The following B3GALT1 variants were observed in gnomAD, a reference collection of about 807,000 sequenced individuals.
The protein encoded by B3GALT1 is UDP-Gal:betaGlcNAc beta 1,3-galactosyltransferase, polypeptide 1.
A neutral mutation model predicts 23.2 loss-of-function variants in B3GALT1; 10 were observed. The ratio of observed to expected loss-of-function variants is 0.43; its 90% CI spans 0.27 to 0.73. B3GALT1 has a LOEUF of 0.73. Among genes scored for constraint, B3GALT1 ranks in the 30% least tolerant of loss-of-function variants. B3GALT1 has a pLI of 0.21. For synonymous variants in B3GALT1, 156 were observed against 141.5 expected (o/e 1.10, Z -0.73); for missense variants, 299 against 405.4 (o/e 0.74, Z 2.25).
intron 2 of B3GALT1, among the ~76,000 whole-genome samples, chr2:167,607,780 C>T (rs930212119): frequency 2.0e-5 from 3 of 152,136 alleles, no homozygotes; most frequent in African/African-American, 7.2e-5. Flanking sequence ...ATCAGACTTG[C>T]TGCAAATTCC....
chr2:167,576,537 T>G (rs1684392004), intron 2 of B3GALT1, among the ~76,000 whole-genome samples: 2 of 147,636 alleles, frequency 1.4e-5, no homozygotes, highest in Non-Finnish European at 3.0e-5. Flanking sequence ...TTTTTGTTTT[T>G]TTTTTTTGTT....
chr2:167,721,015 T>C (rs6752605), intron 3 of B3GALT1, among the ~76,000 whole-genome samples: 104,374 of 151,986 alleles, frequency 0.69, 37,235 homozygotes, highest in Non-Finnish European at 0.81. Flanking sequence ...CTTCATCTCC[T>C]TCCTTCTTTC....
At chr2:167,539,015 C>T (rs185518090) in intron 2 of B3GALT1, among the ~76,000 whole-genome samples, 169 of 151,992 alleles carry the variant, frequency 1.1e-3, no homozygotes, top group African/African-American at 3.8e-3. Context: ...ATGAAACATC[C>T]GATTATACTT....
rs896088200 is a variant in B3GALT1, at chr2:167,430,255, G to A, written c.-510-59922G>A. Among the ~76,000 whole-genome samples the A allele has an allele frequency of 4.3e-4, 66 of 152,168 alleles. 1 individual carries two copies. The highest frequency in any genetic ancestry group is 4.6e-4 in the Admixed American group (7 of 15,282). ...TTATGATTGTCTAAGGAACCATGCG[G>A]TGACCAGTTTGGCTGAAGAAAGGGA... On this transcript the variant is annotated intron_variant, in intron 1 of 4. Transcript: ENST00000392690.
chr2:167,432,381 C>T (rs1038341429), intron 1 of B3GALT1, among the ~76,000 whole-genome samples: 1 of 152,146 alleles, frequency 6.6e-6, no homozygotes, highest in African/African-American at 2.4e-5. Context: ...ATTGGTTCAC[C>T]TGGAAGTATT....
chr2:167,869,024 A>G lies in B3GALT1; in HGVS notation c.-16A>G, dbSNP rs1307600891. On this transcript the variant is annotated 5_prime_UTR_variant, in exon 5 of 5. Coordinates refer to ENST00000392690, the MANE Select transcript of B3GALT1 (RefSeq NM_020981.4). This position sits in a 1 kb window ranked among gnomAD's most constrained non-coding sequence, Gnocchi z 6.4. ...GCGTATTCTTCAATATTTGGAATAG[A>G]CGTGTTCTCAAGACAATGGCTTCAA... 1 of 1,580,556 alleles carries G rather than the reference A, an allele frequency of 6.3e-7. No homozygotes were observed. Among genetic ancestry groups the G allele is most frequent in the Admixed American group, 1.8e-5 (1 of 54,426 alleles).
chr2:167,722,256 C>G (rs1459659857), intron 3 of B3GALT1, among the ~76,000 whole-genome samples: 1 of 152,102 alleles, frequency 6.6e-6, no homozygotes, highest in Admixed American at 6.6e-5. Context: ...ACAGATACTC[C>G]GAAGATAATG....
intron 3 of B3GALT1, among the ~76,000 whole-genome samples, chr2:167,814,435 G>T (rs563630612): frequency 3.9e-5 from 6 of 152,290 alleles, no homozygotes; most frequent in African/African-American, 1.4e-4. Context: ...TTATTGTATA[G>T]AATTCCTTCT....
intron 4 of B3GALT1, among the ~76,000 whole-genome samples, chr2:167,831,857 C>T (rs1236014734): frequency 2.6e-5 from 4 of 152,178 alleles, no homozygotes; most frequent in South Asian, 2.1e-4. Flanking sequence ...AAAATAATGA[C>T]TCAAAAGATA....
chr2:167,455,037 A>C (rs1699147523), intron 1 of B3GALT1, among the ~76,000 whole-genome samples: 1 of 152,194 alleles, frequency 6.6e-6, no homozygotes, highest in South Asian at 2.1e-4. Flanking sequence ...CCTTTAGTTC[A>C]ATTTACTGAC....
chr2:167,701,785 C>T (rs576785115), intron 3 of B3GALT1, among the ~76,000 whole-genome samples: 2 of 152,284 alleles, frequency 1.3e-5, no homozygotes, highest in East Asian at 3.9e-4. Context: ...TTTGGCATAA[C>T]GTTTCCTGGC....
intron 3 of B3GALT1, among the ~76,000 whole-genome samples, chr2:167,815,713 G>A (rs771035583): frequency 2.0e-5 from 3 of 152,046 alleles, no homozygotes; most frequent in South Asian, 2.1e-4. Context: ...CACATGAAGC[G>A]AAAAAGAAGG....
chr2:167,734,951 T>A (rs1209671977), intron 3 of B3GALT1, among the ~76,000 whole-genome samples: 1 of 152,210 alleles, frequency 6.6e-6, no homozygotes, highest in African/African-American at 2.4e-5. Context: ...TTTAAATATG[T>A]TCAGTCTTTT....
intron 2 of B3GALT1, among the ~76,000 whole-genome samples, chr2:167,516,809 A>T (rs1413554804): frequency 2.6e-5 from 4 of 152,084 alleles, no homozygotes; most frequent in Non-Finnish European, 4.4e-5. Flanking sequence ...AGCCATAATG[A>T]TCTGATCATA....
intron 3 of B3GALT1, among the ~76,000 whole-genome samples, chr2:167,683,261 C>T (rs1428927679): frequency 6.6e-6 from 1 of 152,098 alleles, no homozygotes; most frequent in East Asian, 1.9e-4. Flanking sequence ...TACAGGGTGG[C>T]AGTAGACACC....
At chr2:167,495,303 G>A (rs1009533817) in intron 2 of B3GALT1, among the ~76,000 whole-genome samples, 3 of 124,946 alleles carry the variant, frequency 2.4e-5, no homozygotes, top group African/African-American at 9.1e-5. Context: ...GTGCCATTTT[G>A]CTTTTTTCGC....
intron 1 of B3GALT1, 89 bp from the exon 2 acceptor site, chr2:167,490,088 T>C (rs886531185): frequency 6.6e-6 from 1 of 152,194 alleles, no homozygotes; most frequent in Admixed American, 6.5e-5. Context: ...TATGAACTGG[T>C]AAAAAGAGAA....
At chr2:167,445,530 T>A (rs928077618) in intron 1 of B3GALT1, among the ~76,000 whole-genome samples, 10 of 152,346 alleles carry the variant, frequency 6.6e-5, no homozygotes, top group African/African-American at 2.4e-4. Flanking sequence ...AAAGACTTGC[T>A]TTATGAACCT....
At chr2:167,631,977 A>C (rs940506175) in intron 2 of B3GALT1, among the ~76,000 whole-genome samples, 34 of 150,662 alleles carry the variant, frequency 2.3e-4, no homozygotes, top group African/African-American at 8.3e-4. Context: ...CCGGTGTGTG[A>C]TGTTCCCTAC....
Sources: allele counts gnomAD v4.1 joint callset (sites outside exome capture counted in the v4.1 genomes callset), GRCh38; gene constraint gnomAD v4.1.1; non-coding constraint Gnocchi (gnomAD v3.1); transcripts MANE v1.5; gene names NCBI Gene and HGNC (gene_info 2026-07-23, HGNC 2026-07-21).